P2RX5: variants seen among roughly 807,000 people sequenced by gnomAD.
The protein encoded by P2RX5 is P2X purinoceptor 5.
Under a neutral mutation model 54.1 loss-of-function variants are expected in P2RX5, and 46 were observed. That is an observed-to-expected ratio of 0.85 (90% CI 0.67 to 1.09). The LOEUF is 1.09. P2RX5 is among the 50% of genes least tolerant of loss of function. P2RX5 has a pLI of 0.00. For synonymous variants in P2RX5, 226 were observed against 226.4 expected, an observed-to-expected ratio of 1.00 and a Z score of 0.02; for missense variants, 566 against 549.8, an observed-to-expected ratio of 1.03 and a Z score of -0.29.
At chr17:3,712,281 C>T in the P2RX5 span, among the ~76,000 whole-genome samples, 19 of 152,180 alleles carry the variant, frequency 1.2e-4, 4 homozygotes, top group East Asian at 3.9e-4. Flanking sequence ...GATTTCTGAA[C>T]GAAATGAAGA....
chr17:3,712,447 A>G, the P2RX5 span, among the ~76,000 whole-genome samples: 1 of 152,202 alleles, frequency 6.6e-6, no homozygotes, highest in Admixed American at 6.6e-5. Flanking sequence ...GATAACAGGC[A>G]GGTGTGAGGC....
chr17:3,693,272 T>C (rs981695290), intron 1 of P2RX5, among the ~76,000 whole-genome samples: 1 of 152,202 alleles, frequency 6.6e-6, no homozygotes, highest in African/African-American at 2.4e-5. Context: ...ATGGCTATCA[T>C]TTTTTAAAAA....
intron 1 of P2RX5, among the ~76,000 whole-genome samples, chr17:3,694,368 T>C (rs1341579983): frequency 6.6e-6 from 1 of 152,080 alleles, no homozygotes; most frequent in African/African-American, 2.4e-5. Context: ...CATGCCCAGC[T>C]AATTGTTGTG....
the P2RX5 span, among the ~76,000 whole-genome samples, chr17:3,707,407 C>A: frequency 1.3e-5 from 2 of 152,100 alleles, no homozygotes; most frequent in African/African-American, 2.4e-5. Context: ...GTTCTTCATC[C>A]GGGAGCCAAA....
chr17:3,721,019 TCCAGGCTCAA>T, the P2RX5 span, among the ~76,000 whole-genome samples: 1 of 151,994 alleles, frequency 6.6e-6, no homozygotes, highest in Non-Finnish European at 1.5e-5. Flanking sequence ...GCCTCAACCT[TCCAGGCTCAA>T]GTGATCCTCC....
chr17:3,673,497 C>T lies in P2RX5; in HGVS notation c.*371G>A. The T allele has an allele frequency of 8.4e-7, 1 of 1,185,252 alleles. No homozygotes were observed. The highest frequency in any genetic ancestry group is 1.1e-6 in the Non-Finnish European group (1 of 946,486). The allele number at this position is 1,185,252 out of a possible 1,614,324, so 73.4% of individuals were successfully genotyped here. ...TTTTCCGGACACGCACAATGCTATTCCCAGTGAGGTAATCTAGGAACTCTA... is the reference window on the plus strand; with the variant it reads ...TTTTCCGGACACGCACAATGCTATTTCCAGTGAGGTAATCTAGGAACTCTA... On this transcript the variant is annotated 3_prime_UTR_variant, in exon 12 of 12. Transcript: ENST00000225328.
chr17:3,716,910 G>C, the P2RX5 span: 8 of 637,198 alleles, frequency 1.3e-5, no homozygotes, highest in Non-Finnish European at 2.2e-5. Flanking sequence ...CCCGTGTATT[G>C]ATCAAAGCTG....
At chr17:3,678,039 A>G (rs2050144136) in intron 11 of P2RX5, 1 of 985,272 alleles carries the variant, frequency 1.0e-6, no homozygotes, top group African/African-American at 1.7e-5. Flanking sequence ...CTGGCCCCAA[A>G]GTTTTCAGCG....
intron 11 of P2RX5, among the ~76,000 whole-genome samples, chr17:3,679,055 G>A (rs1030230879): frequency 9.2e-5 from 14 of 152,204 alleles, no homozygotes; most frequent in Non-Finnish European, 1.0e-4. Context: ...ACAGAAGAGG[G>A]GCTGAGGGGG....
chr17:3,680,189 GTCCTCCACCCTGCA>G (rs1409062427), intron 10 of P2RX5, among the ~76,000 whole-genome samples: 51 of 45,782 alleles, frequency 1.1e-3, no homozygotes, highest in African/African-American at 4.4e-3. Flanking sequence ...TCCACCCTGC[GTCCTCCACCCTGCA>G]TCCTCCACCC....
intron 4 of P2RX5, 21 bp from the exon 5 acceptor site, chr17:3,690,544 C>A: frequency 1.2e-6 from 2 of 1,612,750 alleles, no homozygotes; most frequent in Non-Finnish European, 1.7e-6. Flanking sequence ...GGGACAGGAT[C>A]AATGCCAGGA....
intron 11 of P2RX5, among the ~76,000 whole-genome samples, chr17:3,674,828 A>G (rs149592): frequency 6.6e-6 from 1 of 151,844 alleles, no homozygotes; most frequent in Non-Finnish European, 1.5e-5. Flanking sequence ...TCTGGCTACT[A>G]CTCGCTGACC....
At position 3,673,499 on chromosome 17, in the gene P2RX5, C is replaced by G. The variant is rs1177304898; in HGVS notation, c.*369G>C. On this transcript the variant is annotated 3_prime_UTR_variant, in exon 12 of 12. Coordinates refer to ENST00000225328, the MANE Select transcript of P2RX5 (RefSeq NM_002561.4). ...TTCCGGACACGCACAATGCTATTCC[C>G]AGTGAGGTAATCTAGGAACTCTACA... 8.4e-7 allele frequency: 1 copy of G among 1,191,024 alleles called. No individual in the cohort carries two copies. The highest frequency in any genetic ancestry group is 1.1e-6 in the Non-Finnish European group (1 of 949,916). 73.8% of individuals were successfully genotyped at this position (1,191,024 alleles called of 1,614,324 possible). A position where few individuals can be genotyped will look rare whatever the true frequency, so the allele number is the denominator to read the frequency against.
intron 10 of P2RX5, among the ~76,000 whole-genome samples, chr17:3,680,049 ATCCTCCACCCTGCATCCTCCACCTGGCT>A (rs2050202293): frequency 7.7e-6 from 1 of 129,552 alleles, no homozygotes; most frequent in Non-Finnish European, 1.6e-5. Context: ...TCCACCCTAC[ATCCTCCACCCTGCATCCTCCACCTGGCT>A]TCCTCCATCC....
At chr17:3,710,859 C>A in the P2RX5 span, among the ~76,000 whole-genome samples, 1 of 151,900 alleles carries the variant, frequency 6.6e-6, no homozygotes, top group Non-Finnish European at 1.5e-5. Flanking sequence ...ACCCAGAAGG[C>A]GGAGGTTGCA....
At chr17:3,677,903 C>G (rs575355376) in intron 11 of P2RX5, 70 of 985,386 alleles carry the variant, frequency 7.1e-5, no homozygotes, top group Non-Finnish European at 8.0e-5. Flanking sequence ...CATTGGGAGG[C>G]TCCCCTCCTC....
rs1457070401 is a variant in P2RX5 at position 3,690,629 on chromosome 17, C to T, written c.412G>A (p.Gly138Arg). ...CCGTTTCCAGCTGTAACCGCTTCCCCAGCGTGGCAGTCGCTGTCCTTGGAG... is the reference window on the plus strand; with the variant it reads ...CCGTTTCCAGCTGTAACCGCTTCCCTAGCGTGGCAGTCGCTGTCCTTGGAG... Reference protein sequence around the residue: ...ACSKDSDCHAGEAVTAGNGVK... With the variant: ...ACSKDSDCHAREAVTAGNGVK... Residue 138 changes from glycine to arginine, a missense_variant, in exon 4 of 12, where the codon GGG (glycine) becomes AGG (arginine). Transcript: ENST00000225328. The T allele has an allele frequency of 6.2e-7, 1 of 1,613,566 alleles. No individual in the cohort carries two copies. The highest frequency in any genetic ancestry group is 8.5e-7 in the Non-Finnish European group (1 of 1,180,030).
Position 3,689,529 on chromosome 17 carries a change from C to A in P2RX5, c.716G>T (p.Arg239Leu), listed in dbSNP as rs201713534. The A allele has an allele frequency of 1.9e-6, 3 of 1,614,152 alleles. No homozygotes were observed. Among genetic ancestry groups the A allele is most frequent in the Admixed American group, 1.7e-5 (1 of 60,028 alleles). Residue 239 changes from arginine (R) to leucine (L), a missense_variant, in exon 7 of 12, where the codon CGC (arginine) becomes CTC (leucine). Coordinates refer to ENST00000225328, the MANE Select transcript of P2RX5 (RefSeq NM_002561.4). ...ATCCTGGAAGTCGCTCCCGGCCCAGCGGATCACGGAGCCCAGTCGGAAGAT... is the reference window on the plus strand; with the variant it reads ...ATCCTGGAAGTCGCTCCCGGCCCAGAGGATCACGGAGCCCAGTCGGAAGAT... ...CPIFRLGSVI[R>L]WAGSDFQDIA...
the P2RX5 span, among the ~76,000 whole-genome samples, chr17:3,701,416 G>A: frequency 1.3e-5 from 2 of 152,094 alleles, no homozygotes; most frequent in East Asian, 3.9e-4. Flanking sequence ...TCTAAGTCCG[G>A]GCGTGATGGC....
Sources: gnomAD v4.1 joint callset for allele counts (sites outside exome capture counted in the v4.1 genomes callset) on GRCh38, gnomAD v4.1.1 for gene constraint, MANE v1.5 for transcripts, NCBI Gene and HGNC (gene_info 2026-07-23, HGNC 2026-07-21) for gene names.